PABPN1: variants seen among roughly 807,000 people sequenced by gnomAD.
PABPN1 encodes poly(A) binding protein nuclear 1.
In PABPN1, 5 loss-of-function variants were observed where a neutral mutation model predicts 33.4. The ratio of observed to expected loss-of-function variants is 0.15; its 90% CI spans 0.08 to 0.32. The LOEUF (loss-of-function observed/expected upper bound fraction) is 0.32, where lower values mean the gene tolerates loss of function less well. Among genes scored for constraint, PABPN1 ranks in the 10% least tolerant of loss-of-function variants. PABPN1 has a pLI of 1.00. For missense variants in PABPN1, 312 were observed against 425.8 expected (o/e 0.73, Z 2.35); for synonymous variants, 176 against 170.6 (o/e 1.03, Z -0.25).
At chr14:23,325,204 T>C (rs752204513) in intron 6 of PABPN1, 43 bp from the exon 7 acceptor site, 1 of 1,613,478 alleles carries the variant, frequency 6.2e-7, no homozygotes, top group South Asian at 1.1e-5. Flanking sequence ...TACTGAACTA[T>C]CTAGTGATCA....
chr14:23,324,483 T>G, intron 6 of PABPN1, 194 bp downstream of exon 6: 4 of 675,228 alleles, frequency 5.9e-6, no homozygotes, highest in South Asian at 1.7e-5. Flanking sequence ...TTTTCTGCAG[T>G]AGAAATTGGT....
In PABPN1 at chr14:23,325,476, G is replaced by C. The variant is rs1239773357; in HGVS notation, c.*190G>C. 2 of 733,606 alleles carry C rather than the reference G, an allele frequency of 2.7e-6. No homozygotes were observed. Among genetic ancestry groups the C allele is most frequent in the African/African-American group, 3.6e-5 (2 of 56,174 alleles). The allele number at this position is 733,606 out of a possible 1,614,324, so 45.4% of individuals were successfully genotyped here. On this transcript the variant is annotated 3_prime_UTR_variant, in exon 7 of 7. Coordinates refer to ENST00000216727, the MANE Select transcript of PABPN1 (RefSeq NM_004643.4). ...GCTGAGGAGGGACCTGCTTTGGGGA[G>C]TAGGGGAAGGCCCAGGGAGTGGGGC...
chr14:23,323,466 T>A lies in PABPN1; in HGVS notation c.624T>A (p.Phe208Leu). The part of the protein sequence containing the change: ...VNRVTILCDK[F>L]SGHPKGFAYI... ...GTGTTACCATACTGTGTGACAAATT[T>A]AGTGGCCATCCCAAAGGGTAAGTAA... The change falls in exon 4 of 7, where the codon TTT becomes TTA. Residue 208 changes from phenylalanine to leucine, a missense_variant. Phe to Leu is a conservative substitution (Grantham distance 22). This residue lies in a region of PABPN1 where 77 missense variants were observed against 185.7 expected (regional missense o/e 0.41). Coordinates refer to ENST00000216727, the MANE Select transcript of PABPN1 (RefSeq NM_004643.4). 1 of 1,614,198 alleles carries A rather than the reference T, an allele frequency of 6.2e-7. No homozygotes were observed. Among genetic ancestry groups the A allele is most frequent in the Non-Finnish European group, 8.5e-7 (1 of 1,180,014 alleles).
chr14:23,321,745 C>T lies in PABPN1; in HGVS notation c.276C>T (p.Ala92=), dbSNP rs905158470. The T allele has an allele frequency of 1.9e-6, 3 of 1,540,232 alleles. No homozygotes were observed. The highest frequency in any genetic ancestry group is 2.5e-5 in the East Asian group (1 of 40,368). ...CGGGCCCTGGGCCTGGTTCGGGAGC[C>T]CCCGGCAGCCAAGAGGAGGAGGAGG... is the stretch of plus-strand genomic sequence containing the variant. ...GAPGPGPGSG[A]PGSQEEEEEP... Residue 92 remains alanine, a synonymous_variant, in exon 1 of 7, where the codon GCC becomes GCT. Transcript: ENST00000216727.
At chr14:23,324,543 C>CT (rs1799436081) in intron 6 of PABPN1, 14 of 594,946 alleles carry the variant, frequency 2.4e-5, no homozygotes, top group Non-Finnish European at 3.3e-5. Flanking sequence ...CACCCCCAGC[C>CT]TTTTTTTTCT....
At chr14:23,325,191 T>G in intron 6 of PABPN1, 56 bp from the exon 7 acceptor site, 6 of 1,612,532 alleles carry the variant, frequency 3.7e-6, no homozygotes, top group Non-Finnish European at 5.1e-6. Context: ...GGGGAGGGGC[T>G]TGTACTGAAC....
At chr14:23,322,538 T>C (rs1850760207) in intron 2 of PABPN1, 1 of 545,374 alleles carries the variant, frequency 1.8e-6, no homozygotes, top group Non-Finnish European at 3.3e-6. Context: ...TCTTTGTTCT[T>C]AGTCTACGTC....
intron 3 of PABPN1, 31 bp downstream of exon 3, chr14:23,323,097 G>A (rs778107179): frequency 6.2e-7 from 1 of 1,613,330 alleles, no homozygotes; most frequent in South Asian, 1.1e-5. Flanking sequence ...TGGGGTTGGG[G>A]GCAAGTTCTT....
chr14:23,325,085 G>A, intron 6 of PABPN1, 162 bp from the exon 7 acceptor site: 1 of 915,078 alleles, frequency 1.1e-6, no homozygotes, highest in Non-Finnish European at 1.6e-6. Context: ...AGTTCTCCAG[G>A]TGCGTTACTA....
rs971146306 is a variant in PABPN1 at position 23,324,482 on chromosome 14, G to A, written c.881+193G>A. On this transcript the variant is annotated intron_variant, in intron 6 of 6. Coordinates refer to ENST00000216727, the MANE Select transcript of PABPN1 (RefSeq NM_004643.4). ...GGCCAGCCTCATCATCTTTTCTGCA[G>A]TAGAAATTGGTGATAAGGGCTGCAT... 97 of 694,966 alleles carry A rather than the reference G, an allele frequency of 1.4e-4. 1 individual carries two copies. The South Asian group carries it at 1.6e-3, about 12-fold the overall frequency. 43.0% of individuals were successfully genotyped at this position (694,966 alleles called of 1,614,324 possible).
chr14:23,324,141 ATCCCAAAACGAAC>A lies in PABPN1; in HGVS notation c.734_746del (p.Ile245ThrfsTer64). ...CATTTGTTCATCTCTGACTCAGGTGATCCCAAAACGAACCAACAGACCAGGCATCAGCACAACA... is the reference window on the plus strand; with the variant it reads ...CATTTGTTCATCTCTGACTCAGGTGACAACAGACCAGGCATCAGCACAACA... On this transcript the variant is annotated frameshift_variant, in exon 6 of 7. Transcript: ENST00000216727. LOFTEE classifies it high-confidence loss of function. 6.2e-7 allele frequency: 1 copy of A among 1,614,136 alleles called. No homozygotes were observed. The highest frequency in any genetic ancestry group is 8.5e-7 in the Non-Finnish European group (1 of 1,180,018).
In PABPN1 at chr14:23,321,784, C is replaced by T. The variant is rs1181898655; in HGVS notation, c.315C>T (p.Val105=). 4.6e-6 allele frequency: 7 copies of T among 1,514,794 alleles called. No homozygotes were observed. The highest frequency in any genetic ancestry group is 6.2e-6 in the Non-Finnish European group (7 of 1,132,020). The allele number at this position is 1,514,794 out of a possible 1,614,324, so 93.8% of individuals were successfully genotyped here. A position where few individuals can be genotyped will look rare whatever the true frequency, so the allele number is the denominator to read the frequency against. Residue 105 remains valine, a synonymous_variant, in exon 1 of 7, where the codon GTC becomes GTT. Transcript: ENST00000216727. Reference sequence around the variant, plus strand: ...AGGAGGAGGAGGAGCCGGGACTGGTCGAGGGTGACCCGGGGGACGGCGCCA... The same window carrying T: ...AGGAGGAGGAGGAGCCGGGACTGGTTGAGGGTGACCCGGGGGACGGCGCCA... ...SQEEEEEPGL[V]EGDPGDGAIE... is the part of the protein sequence containing the mutation.
chr14:23,322,243 G>A lies in PABPN1; in HGVS notation c.414G>A (p.Glu138=), dbSNP rs756722959. 4 of 1,610,932 alleles carry A rather than the reference G, an allele frequency of 2.5e-6. No homozygotes were observed. Among genetic ancestry groups the A allele is most frequent in the South Asian group, 2.2e-5 (2 of 90,164 alleles). Residue 138 remains glutamate, a synonymous_variant, in exon 2 of 7, where the codon GAG becomes GAA. Transcript: ENST00000216727. ...EMEEEAEKLK[E]LQNEVEKQMN... Reference sequence around the variant, plus strand: ...AGGAAGAAGCTGAGAAGCTAAAGGAGCTACAGAACGAGGTAGAGAAGCAGA... The same window carrying A: ...AGGAAGAAGCTGAGAAGCTAAAGGAACTACAGAACGAGGTAGAGAAGCAGA...
In PABPN1 at chr14:23,321,603, A is replaced by T. The variant is rs1231617329; in HGVS notation, c.134A>T (p.Asp45Val). Residue 45 changes from aspartate (D) to valine (V), a missense_variant, in exon 1 of 7, where the codon GAC becomes GTC. By Grantham distance (152) the Asp-to-Val change is radical (BLOSUM62 -3). Around this residue, in one of 3 missense-constraint regions of PABPN1, gnomAD observed 167 missense variants for 168.9 expected, o/e 0.99. Transcript: ENST00000216727. ...GAGGGGGCCCCGGGGGGCGCAGGGGACTACGGGAACGGCCTGGAGTCTGAG... is the reference window on the plus strand; with the variant it reads ...GAGGGGGCCCCGGGGGGCGCAGGGGTCTACGGGAACGGCCTGGAGTCTGAG... ...AGEGAPGGAGDYGNGLESEEL... is the reference protein window; with the variant it reads ...AGEGAPGGAGVYGNGLESEEL... 2.0e-6 allele frequency: 3 copies of T among 1,497,288 alleles called. No individual in the cohort carries two copies. The highest frequency in any genetic ancestry group is 2.7e-6 in the Non-Finnish European group (3 of 1,114,566). 92.8% of individuals were successfully genotyped at this position (1,497,288 alleles called of 1,614,324 possible).
intron 2 of PABPN1, chr14:23,322,727 C>T (rs1345021164): frequency 1.2e-5 from 6 of 517,896 alleles, no homozygotes; most frequent in Non-Finnish European, 2.1e-5. Context: ...GCATTTCAAC[C>T]AAAGCCATTC....
chr14:23,323,609 C>T (rs1888498218), intron 4 of PABPN1, 126 bp downstream of exon 4: 1 of 957,932 alleles, frequency 1.0e-6, no homozygotes, highest in Admixed American at 2.0e-5. Context: ...AAGATCATGG[C>T]ATTAATGTTG....
chr14:23,321,531 C>T lies in PABPN1; in HGVS notation c.62C>T (p.Pro21Leu). Residue 21 changes from proline to leucine, a missense_variant, in exon 1 of 7, where the codon CCG becomes CTG. Physicochemically the swap from Pro to Leu is moderately conservative, Grantham distance 98 (BLOSUM62 -3). This residue lies in a region of PABPN1 where 167 missense variants were observed against 168.9 expected (regional missense o/e 0.99). Coordinates refer to ENST00000216727, the MANE Select transcript of PABPN1 (RefSeq NM_004643.4). Reference protein sequence around the residue: ...AGAAGGRGSGPGRRRHLVPGA... With the variant: ...AGAAGGRGSGLGRRRHLVPGA... ...GCTGCGGGCGGTCGGGGCTCCGGGC[C>T]GGGGCGGCGGCGCCATCTTGTGCCC... 7.8e-7 allele frequency: 1 copy of T among 1,280,182 alleles called. No homozygotes were observed. Among genetic ancestry groups the T allele is most frequent in the Non-Finnish European group, 9.9e-7 (1 of 1,010,000 alleles). The allele number at this position is 1,280,182 out of a possible 1,614,324, so 79.3% of individuals were successfully genotyped here. A position where few individuals can be genotyped will look rare whatever the true frequency, so the allele number is the denominator to read the frequency against.
At position 23,325,250 on chromosome 14, in the gene PABPN1, C is replaced by T. The variant is rs1429382087; in HGVS notation, c.885C>T (p.Gly295=). The part of the protein sequence containing the change: ...NSRPRGRVYR[G]RARATSWYSP... ...TAACTCTCCTTCTTTCTTCCAGGGG[C>T]CGGGCTAGAGCGACATCATGGTATT... is the stretch of plus-strand genomic sequence containing the variant. Residue 295 remains glycine (G), a synonymous_variant, in exon 7 of 7, where the codon GGC becomes GGT. Transcript: ENST00000216727. 6.2e-7 allele frequency: 1 copy of T among 1,612,102 alleles called. No individual in the cohort carries two copies. Among genetic ancestry groups the T allele is most frequent in the Non-Finnish European group, 8.5e-7 (1 of 1,179,766 alleles).
chr14:23,324,583 C>T (rs754703347), intron 6 of PABPN1: 7 of 564,830 alleles, frequency 1.2e-5, no homozygotes, highest in East Asian at 6.1e-5. Context: ...AAGGTGTTTG[C>T]GGACAAAACT....
Sources: allele counts gnomAD v4.1 joint callset, GRCh38; gene constraint gnomAD v4.1.1; regional missense constraint gnomAD v4.1.1; transcripts MANE v1.5; gene names NCBI Gene and HGNC (gene_info 2026-07-23, HGNC 2026-07-21).